The following RAP1A variants were observed in gnomAD, a reference collection of about 807,000 sequenced individuals.
The protein encoded by RAP1A is RAP1A, member of RAS oncogene family, also known as ras-related protein Rap-1A.
Under a neutral mutation model 26.4 loss-of-function variants are expected in RAP1A, and 6 were observed. The ratio of observed to expected loss-of-function variants is 0.23; its 90% CI spans 0.12 to 0.45. RAP1A has a LOEUF of 0.45. Ranked by LOEUF, RAP1A falls within the 20% of genes least tolerant of loss-of-function variation. RAP1A has a pLI of 0.99. For missense variants in RAP1A, 121 were observed against 217.2 expected (o/e 0.56, Z 2.78); for synonymous variants, 73 against 79.4 (o/e 0.92, Z 0.43).
chr1:111,676,817 CA>C (rs1218244349), intron 1 of RAP1A, among the ~76,000 whole-genome samples: 1 of 150,512 alleles, frequency 6.6e-6, no homozygotes, highest in African/African-American at 2.4e-5. Context: ...TTTAAGAGAC[CA>C]AGTCTTTCTC....
intron 1 of RAP1A, among the ~76,000 whole-genome samples, chr1:111,627,153 TAA>T (rs1223250985): frequency 6.6e-6 from 1 of 152,182 alleles, no homozygotes; most frequent in Admixed American, 6.5e-5. Flanking sequence ...AAAAAAATGT[TAA>T]GTGTAAAGAA....
intron 1 of RAP1A, among the ~76,000 whole-genome samples, chr1:111,607,468 A>C (rs1353047903): frequency 2.4e-4 from 37 of 151,816 alleles, no homozygotes; most frequent in Admixed American, 1.4e-3. Context: ...ACCTTTCCCC[A>C]CTTTCTATTC....
intron 1 of RAP1A, among the ~76,000 whole-genome samples, chr1:111,613,613 A>T (rs1658964357): frequency 6.6e-6 from 1 of 152,220 alleles, no homozygotes. Flanking sequence ...ATGAAACGCT[A>T]TGTGACTAGT....
At chr1:111,709,352 A>G in intron 7 of RAP1A, 88 bp downstream of exon 7, 1 of 1,372,350 alleles carries the variant, frequency 7.3e-7, no homozygotes, top group Non-Finnish European at 9.6e-7. Context: ...TTCATCTGTT[A>G]TGGTATTTCT....
intron 1 of RAP1A, among the ~76,000 whole-genome samples, chr1:111,548,216 T>TC (rs1230938119): frequency 6.6e-6 from 1 of 152,168 alleles, no homozygotes; most frequent in Non-Finnish European, 1.5e-5. Flanking sequence ...AGATGGGGTT[T>TC]CCCCATGTTG....
chr1:111,668,695 C>T (rs773863591), intron 1 of RAP1A, among the ~76,000 whole-genome samples: 3 of 152,036 alleles, frequency 2.0e-5, no homozygotes, highest in Non-Finnish European at 2.9e-5. Context: ...TGAGAAGTTA[C>T]AAATAGCTTT....
chr1:111,691,287 A>T, intron 1 of RAP1A, 47 bp from the exon 2 acceptor site: 2 of 1,386,744 alleles, frequency 1.4e-6, no homozygotes, highest in Non-Finnish European at 2.0e-6. Context: ...ACATTATTAG[A>T]CTGTTAGCAT....
intron 1 of RAP1A, among the ~76,000 whole-genome samples, chr1:111,551,864 C>G (rs1423880503): frequency 1.3e-5 from 2 of 152,074 alleles, no homozygotes; most frequent in Admixed American, 1.3e-4. Flanking sequence ...CCTTGGCCTT[C>G]ACTTACTGTT....
chr1:111,700,337 G>C (rs1661980321), intron 4 of RAP1A, among the ~76,000 whole-genome samples: 1 of 152,212 alleles, frequency 6.6e-6, no homozygotes, highest in Admixed American at 6.5e-5. Context: ...TCTGCTTCTG[G>C]TGAACACCTC....
intron 7 of RAP1A, among the ~76,000 whole-genome samples, chr1:111,711,434 A>G (rs907164719): frequency 6.6e-6 from 1 of 152,182 alleles, no homozygotes; most frequent in Non-Finnish European, 1.5e-5. Flanking sequence ...ACACCCAACA[A>G]TGTGACAGTC....
intron 1 of RAP1A, among the ~76,000 whole-genome samples, chr1:111,559,583 C>T (rs1034564142): frequency 5.3e-5 from 8 of 152,106 alleles, no homozygotes; most frequent in Non-Finnish European, 1.5e-5. Flanking sequence ...TCTATCCTAT[C>T]TATCATGATA....
chr1:111,697,370 A>G, intron 3 of RAP1A, 71 bp from the exon 4 acceptor site: 1 of 1,603,422 alleles, frequency 6.2e-7, no homozygotes, highest in Non-Finnish European at 8.5e-7. Flanking sequence ...CTTTGATGGA[A>G]GAGGTGGGAA....
rs984452648 is a variant in RAP1A, at chr1:111,571,274, G to A, written c.-28+28765G>A. 3.9e-5 allele frequency among the ~76,000 whole-genome samples: 6 copies of A among 152,324 alleles called. No homozygotes were observed. The South Asian group carries it at 8.3e-4, about 21-fold the overall frequency. On this transcript the variant is annotated intron_variant, in intron 1 of 7. Coordinates refer to the RAP1A transcript ENST00000356415. ...CGCAAAGTTTCCACACTCTGTCCAG[G>A]TGCACCCTGTCCCAGCCCATCCCTG...
intron 1 of RAP1A, among the ~76,000 whole-genome samples, chr1:111,633,605 T>C (rs1380264988): frequency 3.3e-5 from 5 of 152,248 alleles, no homozygotes; most frequent in African/African-American, 9.6e-5. Context: ...GGTCAAATAG[T>C]ATATACTCTT....
chr1:111,624,554 T>C (rs770878155), intron 1 of RAP1A, among the ~76,000 whole-genome samples: 3 of 152,220 alleles, frequency 2.0e-5, no homozygotes, highest in Non-Finnish European at 4.4e-5. Context: ...ATTGAACCTA[T>C]AAGCTTAGCT....
At chr1:111,554,513 G>T (rs1204078139) in intron 1 of RAP1A, among the ~76,000 whole-genome samples, 1 of 152,204 alleles carries the variant, frequency 6.6e-6, no homozygotes, top group Non-Finnish European at 1.5e-5. Flanking sequence ...CTTGGCTACA[G>T]GACAATAAGT....
chr1:111,561,495 T>C (rs1433967952), intron 1 of RAP1A, among the ~76,000 whole-genome samples: 1 of 151,898 alleles, frequency 6.6e-6, no homozygotes, highest in East Asian at 1.9e-4. Flanking sequence ...CAGAAGCAGA[T>C]TGTGTATGTA....
chr1:111,648,844 TG>T, intron 1 of RAP1A: 1 of 725,452 alleles, frequency 1.4e-6, no homozygotes, highest in Non-Finnish European at 2.5e-6. Context: ...GCCATGATCT[TG>T]CTGTCCTGAG....
intron 1 of RAP1A, among the ~76,000 whole-genome samples, chr1:111,658,447 C>G (rs930497339): frequency 2.0e-5 from 3 of 152,272 alleles, no homozygotes; most frequent in Admixed American, 6.5e-5. Context: ...TAACACTTAG[C>G]TTAAAACACA....
Sources: gnomAD v4.1 joint callset for allele counts (sites outside exome capture counted in the v4.1 genomes callset) on GRCh38, gnomAD v4.1.1 for gene constraint, MANE v1.5 for transcripts, NCBI Gene and HGNC (gene_info 2026-07-23, HGNC 2026-07-21) for gene names.